Variants in GRM4 observed in about 807,000 individuals in gnomAD.
GRM4 encodes glutamate metabotropic receptor 4, also known as metabotropic glutamate receptor 4.
A neutral mutation model predicts 81.7 loss-of-function variants in GRM4; 28 were observed. The ratio of observed to expected loss-of-function variants is 0.34; its 90% CI spans 0.25 to 0.47. The LOEUF (loss-of-function observed/expected upper bound fraction) is 0.47, where lower values mean the gene tolerates loss of function less well. GRM4 is among the 20% of genes least tolerant of loss of function. The pLI is 1.00. For missense variants in GRM4, 948 were observed against 1,290.0 expected (o/e 0.73, Z 4.06); for synonymous variants, 488 against 528.8 (o/e 0.92, Z 1.06).
At chr6:34,132,144 G>T (rs998785829) in intron 2 of GRM4, among the ~76,000 whole-genome samples, 1 of 152,176 alleles carries the variant, frequency 6.6e-6, no homozygotes, top group African/African-American at 2.4e-5. Flanking sequence ...AGCAGCTCTT[G>T]CCCCAGGAAG....
intron 3 of GRM4, among the ~76,000 whole-genome samples, chr6:34,065,868 C>T (rs1461332092): frequency 1.3e-5 from 2 of 152,190 alleles, no homozygotes; most frequent in Non-Finnish European, 2.9e-5. Flanking sequence ...AGCAGAGCCA[C>T]CTTCAGACGA....
chr6:34,056,967 A>G (rs1260683970), intron 5 of GRM4, among the ~76,000 whole-genome samples: 1 of 152,200 alleles, frequency 6.6e-6, no homozygotes, highest in African/African-American at 2.4e-5. Context: ...AACCGCTGCA[A>G]TGCTAACAGC....
chr6:34,110,964 G>T, intron 2 of GRM4: 1 of 746,018 alleles, frequency 1.3e-6, no homozygotes. Context: ...GTGCCCCACA[G>T]ACTGCAAGGA....
At chr6:34,025,095 GCCTCAGGCAGCTCTTCC>G (rs979748306) in intron 10 of GRM4, among the ~76,000 whole-genome samples, 2 of 152,178 alleles carry the variant, frequency 1.3e-5, no homozygotes, top group Non-Finnish European at 2.9e-5. Context: ...CTCTCTCTGA[GCCTCAGGCAGCTCTTCC>G]CCTCCTTTGC....
intron 9 of GRM4, among the ~76,000 whole-genome samples, chr6:34,031,933 T>C (rs1329026302): frequency 1.3e-5 from 2 of 152,062 alleles, no homozygotes; most frequent in African/African-American, 4.8e-5. Context: ...GCTGCACATT[T>C]GCATCTGACT....
Position 34,141,307 on chromosome 6 carries a change from G to A in GRM4, c.-364+4693C>T, listed in dbSNP as rs187629598. 5.4e-4 allele frequency among the ~76,000 whole-genome samples: 83 copies of A among 152,294 alleles called. 1 individual carries two copies. The East Asian group carries it at 0.013, about 24-fold the overall frequency. On this transcript the variant is annotated intron_variant, in intron 1 of 10. Transcript: ENST00000538487. The stretch of plus-strand genomic sequence containing the variant: ...ACCAATGGGCGACCAGTGCCTTCTC[G>A]GGAGAACTGAGAGCCTTAGCTAGAC...
At chr6:34,122,761 T>TGTCTGTCA (rs60566725) in intron 2 of GRM4, among the ~76,000 whole-genome samples, 1 of 151,916 alleles carries the variant, frequency 6.6e-6, no homozygotes, top group African/African-American at 2.4e-5. Context: ...TCTGTCTGTC[T>TGTCTGTCA]CTGGGCCAGG....
At position 34,096,099 on chromosome 6, in the gene GRM4, G is replaced by C. The variant is rs144183332; in HGVS notation, c.520-4000C>G. Among the ~76,000 whole-genome samples the C allele has an allele frequency of 9.9e-4, 150 of 152,258 alleles. 1 individual carries two copies. The highest frequency in any genetic ancestry group is 3.4e-3 in the African/African-American group (143 of 41,544). ...GCTGCTCCATCCCTCTGCCTCCTTT[G>C]CTTCCCTCACCCAACACATTGAGCA... On this transcript the variant is annotated intron_variant, in intron 2 of 10. Transcript: ENST00000538487.
intron 3 of GRM4, among the ~76,000 whole-genome samples, chr6:34,072,784 C>CA: frequency 3.4e-5 from 1 of 29,236 alleles, no homozygotes; most frequent in Admixed American, 3.8e-4. Flanking sequence ...ACACACAGAC[C>CA]CAAACACATC....
Position 34,036,788 on chromosome 6 carries a change from G to A in GRM4, c.1507-185C>T, listed in dbSNP as rs560852629. ...ACAGCTGGAGTTAAAAAAGGTCTCC[G>A]GCATAACTCAGACATAATTGACCTA... On this transcript the variant is annotated intron_variant, in intron 8 of 10. Transcript: ENST00000538487. The surrounding 1 kb of genome is among the most constrained non-coding windows in gnomAD (Gnocchi z 9.0). Among the ~76,000 whole-genome samples the A allele has an allele frequency of 2.2e-4, 33 of 152,274 alleles. No individual in the cohort carries two copies. In the South Asian group the frequency reaches 2.9e-3, roughly 13 times the overall value.
intron 3 of GRM4, 61 bp from the exon 4 acceptor site, chr6:34,062,089 T>C (rs1766216689): frequency 5.4e-5 from 83 of 1,547,726 alleles, no homozygotes; most frequent in Non-Finnish European, 7.0e-5. Context: ...CCCACCACTC[T>C]CCCAACATAC....
At chr6:34,099,292 C>A (rs904691873) in intron 2 of GRM4, among the ~76,000 whole-genome samples, 1 of 152,146 alleles carries the variant, frequency 6.6e-6, no homozygotes, top group African/African-American at 2.4e-5. Flanking sequence ...TACAGGTGGT[C>A]AGATGGCCCT....
At chr6:34,135,203 A>T (rs897928728) in intron 1 of GRM4, among the ~76,000 whole-genome samples, 1 of 152,132 alleles carries the variant, frequency 6.6e-6, no homozygotes, top group Non-Finnish European at 1.5e-5. Flanking sequence ...CTCCCCCGTC[A>T]TTCCCCCTAC....
At chr6:34,056,321 A>G in intron 6 of GRM4, 1 of 568,834 alleles carries the variant, frequency 1.8e-6, no homozygotes, top group Non-Finnish European at 3.1e-6. Flanking sequence ...AGGCCTTACC[A>G]CTCCCAAGGA....
At chr6:34,116,427 G>C (rs1460240832) in intron 2 of GRM4, among the ~76,000 whole-genome samples, 1 of 152,206 alleles carries the variant, frequency 6.6e-6, no homozygotes, top group Admixed American at 6.5e-5. Flanking sequence ...CTGGAGACCA[G>C]AGCAGGGAAG....
intron 10 of GRM4, among the ~76,000 whole-genome samples, chr6:34,025,564 C>T (rs1339119556): frequency 6.6e-6 from 1 of 152,204 alleles, no homozygotes; most frequent in Non-Finnish European, 1.5e-5. Flanking sequence ...ACCCAGCTCA[C>T]AGGTTCCAGA....
exon 1 of GRM4, chr6:34,155,182 A>G (rs1033931532): frequency 2.0e-6 from 3 of 1,535,478 alleles, no homozygotes; most frequent in Non-Finnish European, 2.6e-6. Context: ...GGCCAGGCTC[A>G]CCTGCTCTCC....
intron 6 of GRM4, among the ~76,000 whole-genome samples, chr6:34,052,960 A>G (rs1318073747): frequency 6.6e-6 from 1 of 152,250 alleles, no homozygotes; most frequent in African/African-American, 2.4e-5. Flanking sequence ...ATTTTACAGC[A>G]GACAGACAGA....
intron 3 of GRM4, among the ~76,000 whole-genome samples, chr6:34,073,804 C>T (rs902331855): frequency 1.3e-5 from 2 of 152,174 alleles, no homozygotes; most frequent in South Asian, 2.1e-4. Context: ...GGAGGCCCTG[C>T]GAGGCCCTAG....
Sources: gnomAD v4.1 joint callset for allele counts (sites outside exome capture counted in the v4.1 genomes callset) on GRCh38, gnomAD v4.1.1 for gene constraint, Gnocchi (gnomAD v3.1) non-coding constraint, MANE v1.5 for transcripts, NCBI Gene and HGNC (gene_info 2026-07-23, HGNC 2026-07-21) for gene names.